Variants in TSEN54 observed in about 807,000 individuals in gnomAD.
TSEN54 encodes the protein tRNA splicing endonuclease subunit 54, also known as tRNA-splicing endonuclease subunit Sen54.
A neutral mutation model predicts 61.9 loss-of-function variants in TSEN54; 55 were observed. The observed-to-expected ratio is 0.89, with a 90% CI of 0.72 to 1.11. The LOEUF is 1.11. Among genes scored for constraint, TSEN54 ranks in the 50% most tolerant of loss-of-function variants. The pLI, the probability that TSEN54 is intolerant of heterozygous loss-of-function variation, is 0.00. For missense variants in TSEN54, 760 were observed against 687.7 expected, an observed-to-expected ratio of 1.11 and a Z score of -1.18; for synonymous variants, 304 against 288.7, an observed-to-expected ratio of 1.05 and a Z score of -0.54.
In TSEN54 at chr17:75,524,626, C is replaced by G; in HGVS notation, c.*214C>G. The G allele has an allele frequency of 1.5e-6, 1 of 681,886 alleles. No individual in the cohort carries two copies. Among genetic ancestry groups the G allele is most frequent in the Non-Finnish European group, 2.6e-6 (1 of 379,604 alleles). 42.2% of individuals were successfully genotyped at this position (681,886 alleles called of 1,614,324 possible). A position where few individuals can be genotyped will look rare whatever the true frequency, so the allele number is the denominator to read the frequency against. On this transcript the variant is annotated 3_prime_UTR_variant, in exon 11 of 11. Transcript: ENST00000333213. Reference sequence around the variant, plus strand: ...AGTGACCCCTCTGGAACTCAGGACTCGATTTTAAGGACCCAGGAGGTGGGG... The same window carrying G: ...AGTGACCCCTCTGGAACTCAGGACTGGATTTTAAGGACCCAGGAGGTGGGG...
intron 4 of TSEN54, 78 bp downstream of exon 4, chr17:75,517,322 A>G (rs2053382957): frequency 6.7e-7 from 1 of 1,493,856 alleles, no homozygotes; most frequent in African/African-American, 1.5e-5. Context: ...GAAAAAGCAC[A>G]CACAACCCGG....
At position 75,521,955 on chromosome 17, in the gene TSEN54, G is replaced by A. The variant is rs1189741192; in HGVS notation, c.874G>A (p.Gly292Ser). 7 of 1,610,064 alleles carry A rather than the reference G, an allele frequency of 4.3e-6. No individual in the cohort carries two copies. The highest frequency in any genetic ancestry group is 1.7e-5 in the Admixed American group (1 of 59,704). The change falls in exon 8 of 11, where the codon GGT becomes AGT. Residue 292 changes from glycine to serine, a missense_variant. Around this residue, in one of 3 missense-constraint regions of TSEN54, gnomAD observed 667 missense variants for 577.8 expected, o/e 1.15. Transcript: ENST00000333213. ...AGCCGAGAACGGAGTCACGGGAGCC[G>A]GTAAGCGGCGCTGGAACTTCGAGCA... is the stretch of plus-strand genomic sequence containing the variant. ...GRAENGVTGA[G>S]KRRWNFEQIS...
chr17:75,522,586 G>A lies in TSEN54; in HGVS notation c.1252+253G>A, dbSNP rs962655211. The A allele has an allele frequency of 1.3e-5, 18 of 1,383,404 alleles. No homozygotes were observed. In the African/African-American group the frequency reaches 2.5e-4, roughly 19 times the overall value. The allele number at this position is 1,383,404 out of a possible 1,614,324, so 85.7% of individuals were successfully genotyped here. On this transcript the variant is annotated intron_variant, in intron 8 of 10. Transcript: ENST00000333213. ...ATATCCTTAAAAAGATAAACAACATGCATGTGGATGGCTTTGCCACCAACT... is the reference window on the plus strand; with the variant it reads ...ATATCCTTAAAAAGATAAACAACATACATGTGGATGGCTTTGCCACCAACT...
chr17:75,522,828 A>AAATCTG (rs746759792), intron 8 of TSEN54: 1 of 266,176 alleles, frequency 3.8e-6, no homozygotes, highest in Non-Finnish European at 7.3e-6. Context: ...CTTTCAGTAT[A>AAATCTG]ATTTTTCAGT....
intron 6 of TSEN54, 182 bp from the exon 7 acceptor site, chr17:75,521,227 A>G (rs958219725): frequency 1.3e-5 from 8 of 634,880 alleles, no homozygotes; most frequent in African/African-American, 7.2e-5. Context: ...GCAGAGGCAC[A>G]TGGCTGGGCC....
rs114701563 is a variant in TSEN54, at chr17:75,521,606, G to A, written c.623+96G>A. ...CTAAGAACCAGCAGCTCCCATGCAG[G>A]CTCAGGGAGACACTAGGGGACCTGC... On this transcript the variant is annotated intron_variant, in intron 7 of 10. Transcript: ENST00000333213. 160 of 1,563,344 alleles carry A rather than the reference G, an allele frequency of 1.0e-4. No individual in the cohort carries two copies. The African/African-American group carries it at 2.0e-3, about 20-fold the overall frequency.
At chr17:75,521,660 T>A in intron 7 of TSEN54, 45 bp from the exon 8 acceptor site, 1 of 1,603,012 alleles carries the variant, frequency 6.2e-7, no homozygotes, top group Non-Finnish European at 8.5e-7. Context: ...GTGTGCACCT[T>A]AGCAACCAGG....
intron 8 of TSEN54, 48 bp downstream of exon 8, chr17:75,522,381 A>G (rs1598477848): frequency 6.5e-7 from 1 of 1,539,148 alleles, no homozygotes; most frequent in Non-Finnish European, 8.7e-7. Context: ...GCAGCTGAGG[A>G]ATCACAGGAC....
In TSEN54 at chr17:75,524,453, C is replaced by G. The variant is rs1442248161; in HGVS notation, c.*41C>G. ...GAGGATGGAGCTTGCTCCGGGGGACCGGGACTGTCTGTTCTCAGGGACCAT... is the reference window on the plus strand; with the variant it reads ...GAGGATGGAGCTTGCTCCGGGGGACGGGGACTGTCTGTTCTCAGGGACCAT... On this transcript the variant is annotated 3_prime_UTR_variant, in exon 11 of 11. Coordinates refer to ENST00000333213, the MANE Select transcript of TSEN54 (RefSeq NM_207346.3). 6.2e-7 allele frequency: 1 copy of G among 1,612,656 alleles called. No individual in the cohort carries two copies. The highest frequency in any genetic ancestry group is 1.6e-4 in the Middle Eastern group (1 of 6,062).
rs2053434209 is a variant in TSEN54 at position 75,522,068 on chromosome 17, G to C, written c.987G>C (p.Gly329=). ...APELLPANVA[G]RETDAESWCQ... ...AGCTGCTCCCGGCCAACGTGGCTGGGCGGGAGACAGACGCTGAGTCCTGGT... is the reference window on the plus strand; with the variant it reads ...AGCTGCTCCCGGCCAACGTGGCTGGCCGGGAGACAGACGCTGAGTCCTGGT... Residue 329 remains glycine, a synonymous_variant, in exon 8 of 11, where the codon GGG becomes GGC. Transcript: ENST00000333213. 6.3e-7 allele frequency: 1 copy of C among 1,587,694 alleles called. No individual in the cohort carries two copies. Among genetic ancestry groups the C allele is most frequent in the African/African-American group, 1.3e-5 (1 of 74,326 alleles).
chr17:75,521,228 T>C (rs1350354917), intron 6 of TSEN54, 181 bp from the exon 7 acceptor site: 11 of 638,326 alleles, frequency 1.7e-5, no homozygotes, highest in Non-Finnish European at 8.6e-6. Flanking sequence ...CAGAGGCACA[T>C]GGCTGGGCCC....
rs11559207 is a variant in TSEN54 at position 75,517,619 on chromosome 17, G to A, written c.432G>A (p.Leu144=). 21 of 1,613,766 alleles carry A rather than the reference G, an allele frequency of 1.3e-5. No homozygotes were observed. Residue 144 remains leucine (L), a synonymous_variant, in exon 5 of 11, where the codon CTG becomes CTA. Transcript: ENST00000333213. ...CTATCCAGGAAGCTTACCAGCTGCTGCTGACCGACCACACTGTGACCTTCC... is the reference window on the plus strand; with the variant it reads ...CTATCCAGGAAGCTTACCAGCTGCTACTGACCGACCACACTGTGACCTTCC... ...PLSIQEAYQL[L]LTDHTVTFLQ...
Position 75,516,870 on chromosome 17 carries a change from G to A in TSEN54, c.181G>A (p.Glu61Lys), listed in dbSNP as rs1438493791. ...CGAGCGGCTGCGCCGGTGCCGGGAAGAGCTCTGGCAGCTGCTGGCAGAGCA... is the reference window on the plus strand; with the variant it reads ...CGAGCGGCTGCGCCGGTGCCGGGAAAAGCTCTGGCAGCTGCTGGCAGAGCA... ...QAERLRRCRE[E>K]LWQLLAEQRV... is the part of the protein sequence containing the mutation. The change falls in exon 2 of 11, where the codon GAG (glutamate) becomes AAG (lysine). Residue 61 changes from glutamate (E) to lysine (K), a missense_variant. By Grantham distance (56) the Glu-to-Lys change is moderately conservative. Around this residue, in one of 3 missense-constraint regions of TSEN54, gnomAD observed 667 missense variants for 577.8 expected, o/e 1.15. Coordinates refer to ENST00000333213, the MANE Select transcript of TSEN54 (RefSeq NM_207346.3). 1 of 1,564,468 alleles carries A rather than the reference G, an allele frequency of 6.4e-7. No individual in the cohort carries two copies. The highest frequency in any genetic ancestry group is 1.8e-5 in the Admixed American group (1 of 55,500).
At chr17:75,521,569 T>C (rs1235684704) in intron 7 of TSEN54, 59 bp downstream of exon 7, 3 of 1,590,384 alleles carry the variant, frequency 1.9e-6, no homozygotes, top group African/African-American at 1.3e-5. Flanking sequence ...CCTTGGAAAA[T>C]GCACAGGCTT....
rs537001715 is a variant in TSEN54, at chr17:75,521,733, G to A, written c.652G>A (p.Asp218Asn). Residue 218 changes from aspartate to asparagine, a missense_variant, in exon 8 of 11, where the codon GAC becomes AAC. Asp to Asn is a conservative substitution (Grantham distance 23). Transcript: ENST00000333213. ...RSINKKAKAL[D>N]NSLQPKSLAA... ...CATTAATAAGAAGGCCAAGGCCCTG[G>A]ACAACTCCCTGCAACCCAAGAGTCT... The A allele has an allele frequency of 8.2e-5, 133 of 1,613,048 alleles. 1 individual carries two copies. The South Asian group carries it at 1.3e-3, about 16-fold the overall frequency.
At chr17:75,523,806 C>A (rs754467330) in intron 10 of TSEN54, 27 bp downstream of exon 10, 3 of 1,608,840 alleles carry the variant, frequency 1.9e-6, no homozygotes, top group African/African-American at 2.7e-5. Flanking sequence ...CACTGCCCCT[C>A]CCCCAGCTGC....
Position 75,524,395 on chromosome 17 carries a change from C to G in TSEN54, c.1564C>G (p.Gln522Glu), listed in dbSNP as rs370708679. ...FYSFRDFTLP[Q>E]DVGH ...CAGCTTCAGGGACTTCACGTTGCCC[C>G]AGGATGTGGGGCACTGACCTCACAG... The change falls in exon 11 of 11, where the codon CAG becomes GAG. Residue 522 changes from glutamine (Q) to glutamate (E), a missense_variant. Coordinates refer to ENST00000333213, the MANE Select transcript of TSEN54 (RefSeq NM_207346.3). 1.2e-4 allele frequency: 188 copies of G among 1,614,168 alleles called. 4 individuals carry two copies. The South Asian group carries it at 1.9e-3, about 17-fold the overall frequency.
rs1367385736 is a variant in TSEN54, at chr17:75,521,507, C to T, written c.620C>T (p.Pro207Leu). The T allele has an allele frequency of 5.0e-6, 8 of 1,613,974 alleles. No individual in the cohort carries two copies. In the South Asian group the frequency reaches 7.7e-5, roughly 16 times the overall value. The change falls in exon 7 of 11, where the codon CCT becomes CTT. Residue 207 changes from proline (P) to leucine (L), a missense_variant. Physicochemically the swap from Pro to Leu is moderately conservative, Grantham distance 98. Transcript: ENST00000333213. ...AAGAGAAAGAGGAGCAGCTCCAGCCCTCGGTAACTCCCACATCACGGTGGC... is the reference window on the plus strand; with the variant it reads ...AAGAGAAAGAGGAGCAGCTCCAGCCTTCGGTAACTCCCACATCACGGTGGC... Reference protein sequence around the residue: ...DGKRKRSSSSPRSINKKAKAL... With the variant: ...DGKRKRSSSSLRSINKKAKAL...
intron 6 of TSEN54, 147 bp from the exon 7 acceptor site, chr17:75,521,262 T>C (rs976545392): frequency 2.8e-6 from 2 of 721,146 alleles, no homozygotes; most frequent in African/African-American, 1.7e-5. Context: ...GTACCCCTCA[T>C]GGGGGTCTGC....
Sources: gnomAD v4.1 joint callset for allele counts on GRCh38, gnomAD v4.1.1 for gene constraint, gnomAD v4.1.1 regional missense constraint, MANE v1.5 for transcripts, NCBI Gene and HGNC (gene_info 2026-07-23, HGNC 2026-07-21) for gene names.